CMIP: variants seen among roughly 807,000 people sequenced by gnomAD.
CMIP encodes the protein C-Maf-inducing protein.
Under a neutral mutation model 97.3 loss-of-function variants are expected in CMIP, and 13 were observed. The ratio of observed to expected loss-of-function variants is 0.13; its 90% CI spans 0.09 to 0.21. The LOEUF is 0.21. Ranked by LOEUF, CMIP falls within the 10% of genes least tolerant of loss-of-function variation. The pLI is 1.00. For synonymous variants in CMIP, 538 were observed against 436.3 expected, an observed-to-expected ratio of 1.23 and a Z score of -2.91; for missense variants, 847 against 1,024.9, an observed-to-expected ratio of 0.83 and a Z score of 2.37.
At chr16:81,445,630 C>T (rs1905783057) in intron 1 of CMIP, 89 bp downstream of exon 1, 9 of 1,394,530 alleles carry the variant, frequency 6.5e-6, no homozygotes, top group Non-Finnish European at 7.7e-6. Context: ...GCACCTGGAG[C>T]CCAGGGCCTG....
rs190200012 is a variant in CMIP at position 81,452,939 on chromosome 16, A to G, written c.300+7398A>G. 6.8e-5 allele frequency among the ~76,000 whole-genome samples: 10 copies of G among 146,060 alleles called. No homozygotes were observed. The East Asian group carries it at 1.8e-3, about 26-fold the overall frequency. On this transcript the variant is annotated intron_variant, in intron 1 of 20. Transcript: ENST00000537098. ...GCTGCCTCCCAATAAATAGTGAAGA[A>G]TAGCCCTGGTAGCAGTGCCTTAAGA...
chr16:81,702,626 G>C lies in CMIP; in HGVS notation c.1901G>C (p.Arg634Thr). The C allele has an allele frequency of 1.2e-6, 2 of 1,613,530 alleles. No homozygotes were observed. Among genetic ancestry groups the C allele is most frequent in the Non-Finnish European group, 1.7e-6 (2 of 1,179,702 alleles). ...CCAGCCTGGTTTCTGTTGCAGCAAA[G>C]GAAAGGCGGGCCCACCAGGCTAACA... ...DRQRELKELQRKGGPTRLTLP... is the reference protein window; with the variant it reads ...DRQRELKELQTKGGPTRLTLP... Residue 634 changes from arginine (R) to threonine (T), a missense_variant, in exon 17 of 21, where the codon AGG (arginine) becomes ACG (threonine). By Grantham distance (71) the Arg-to-Thr change is moderately conservative. Coordinates refer to ENST00000537098, the MANE Select transcript of CMIP (RefSeq NM_198390.3).
chr16:81,670,620 T>TGG (rs10542852), intron 8 of CMIP, among the ~76,000 whole-genome samples: 20 of 98,400 alleles, frequency 2.0e-4, no homozygotes, highest in East Asian at 5.2e-4. Flanking sequence ...GGGTTTTTTT[T>TGG]GGGGGGGGGG....
intron 1 of CMIP, among the ~76,000 whole-genome samples, chr16:81,504,656 A>G (rs1315031990): frequency 6.7e-6 from 1 of 149,882 alleles, no homozygotes; most frequent in Non-Finnish European, 1.5e-5. Flanking sequence ...AAAAAAAAAA[A>G]AAAAAAAAAA....
At chr16:81,524,600 G>A (rs540051875) in intron 1 of CMIP, among the ~76,000 whole-genome samples, 1 of 152,308 alleles carries the variant, frequency 6.6e-6, no homozygotes, top group African/African-American at 2.4e-5. Context: ...CCCTCATTTT[G>A]CAGATGCCGA....
chr16:81,636,580 C>CAAAA (rs200195305), intron 3 of CMIP, among the ~76,000 whole-genome samples: 2 of 106,676 alleles, frequency 1.9e-5, no homozygotes, highest in East Asian at 5.0e-4. Context: ...AACTTCGTCT[C>CAAAA]AAAAAAAAAA....
intron 2 of CMIP, among the ~76,000 whole-genome samples, chr16:81,615,840 A>G (rs1360825974): frequency 6.6e-6 from 1 of 151,698 alleles, no homozygotes; most frequent in East Asian, 1.9e-4. Context: ...GGGTCCATAA[A>G]CCCCCCTGAA....
intron 1 of CMIP, among the ~76,000 whole-genome samples, chr16:81,603,613 C>A (rs938281911): frequency 6.6e-6 from 1 of 152,120 alleles, no homozygotes; most frequent in Non-Finnish European, 1.5e-5. Context: ...TTTTCTGTCC[C>A]GGGATCCCAT....
At chr16:81,553,017 G>T (rs2090689440) in intron 1 of CMIP, among the ~76,000 whole-genome samples, 1 of 152,238 alleles carries the variant, frequency 6.6e-6, no homozygotes, top group Admixed American at 6.5e-5. Context: ...GACGTGACTT[G>T]TCAGCTGCTG....
intron 1 of CMIP, 143 bp from the exon 2 acceptor site, chr16:81,607,424 G>A (rs1597140651): frequency 9.7e-7 from 1 of 1,026,384 alleles, no homozygotes; most frequent in Non-Finnish European, 1.4e-6. Context: ...GGCTTGCTTT[G>A]GTCACCAGAG....
intron 1 of CMIP, among the ~76,000 whole-genome samples, chr16:81,488,849 A>G (rs983481731): frequency 1.3e-5 from 2 of 152,144 alleles, no homozygotes; most frequent in Non-Finnish European, 2.9e-5. Flanking sequence ...TGTAGTTGCC[A>G]CTGTAGAATC....
intron 1 of CMIP, among the ~76,000 whole-genome samples, chr16:81,572,844 C>T (rs2091118448): frequency 6.6e-6 from 1 of 152,162 alleles, no homozygotes; most frequent in Admixed American, 6.5e-5. Context: ...CTGCCTGGGA[C>T]TTCCCCAGCA....
intron 1 of CMIP, among the ~76,000 whole-genome samples, chr16:81,554,404 T>C (rs1401709014): frequency 6.6e-6 from 1 of 152,198 alleles, no homozygotes; most frequent in Non-Finnish European, 1.5e-5. Flanking sequence ...TCCTGTAGCA[T>C]CCGTTCTGCT....
chr16:81,601,022 C>G (rs1032884726), intron 1 of CMIP, among the ~76,000 whole-genome samples: 2 of 152,134 alleles, frequency 1.3e-5, no homozygotes, highest in Non-Finnish European at 2.9e-5. Context: ...ATGGGTGTCC[C>G]CTGTGTGATA....
chr16:81,500,301 T>TCCCTCCCTC (rs2089578535), intron 1 of CMIP, among the ~76,000 whole-genome samples: 3 of 133,404 alleles, frequency 2.2e-5, no homozygotes, highest in African/African-American at 9.5e-5. Context: ...CTTCCTTCCT[T>TCCCTCCCTC]CCTGCCTCCC....
chr16:81,610,186 G>A (rs1368019541), intron 2 of CMIP: 1 of 357,766 alleles, frequency 2.8e-6, no homozygotes, highest in African/African-American at 2.2e-5. Flanking sequence ...GGGGCAGTGA[G>A]GCTGAAAAGC....
chr16:81,601,229 G>C (rs149522027), intron 1 of CMIP, among the ~76,000 whole-genome samples: 1 of 152,298 alleles, frequency 6.6e-6, no homozygotes, highest in East Asian at 1.9e-4. Flanking sequence ...GGGTCCGGGA[G>C]CTCCTCCCTT....
intron 1 of CMIP, chr16:81,495,434 G>T: frequency 1.2e-6 from 2 of 1,608,292 alleles, no homozygotes; most frequent in Non-Finnish European, 1.7e-6. Context: ...TGTTTCCTGC[G>T]AGGAGGGAAG....
chr16:81,559,729 A>T (rs934381432), intron 1 of CMIP, among the ~76,000 whole-genome samples: 1 of 152,208 alleles, frequency 6.6e-6, no homozygotes, highest in Non-Finnish European at 1.5e-5. Context: ...TAAACAACTA[A>T]GTTACTGGCT....
Sources: gnomAD v4.1 joint callset for allele counts (sites outside exome capture counted in the v4.1 genomes callset) on GRCh38, gnomAD v4.1.1 for gene constraint, MANE v1.5 for transcripts, NCBI Gene and HGNC (gene_info 2026-07-23, HGNC 2026-07-21) for gene names.